SMIM22: variants seen among roughly 807,000 people sequenced by gnomAD.
SMIM22 encodes the protein cancer associated small integral membrane open reading frame 1.
A neutral mutation model predicts 8.4 loss-of-function variants in SMIM22; 16 were observed. The observed-to-expected ratio is 1.90, with a 90% CI of 1.29 to 2.89. The LOEUF is 2.89. Among genes scored for constraint, SMIM22 ranks in the 30% most tolerant of loss-of-function variants. The pLI, the probability that SMIM22 is intolerant of heterozygous loss-of-function variation, is 0.00. For synonymous variants in SMIM22, 67 were observed against 47.6 expected (o/e 1.41, Z -1.68); for missense variants, 159 against 107.5 (o/e 1.48, Z -2.12).
At chr16:4,790,670 C>T (rs1238986270), upstream of SMIM22, among the ~76,000 whole-genome samples, 3 of 152,092 alleles carry the variant, frequency 2.0e-5, no homozygotes, top group South Asian at 2.1e-4. Context: ...CACCTGTAGT[C>T]GCAGCTACTT....
chr16:4,795,924 C>G, intron 2 of SMIM22, 24 bp from the exon 3 acceptor site: 2 of 1,522,864 alleles, frequency 1.3e-6, no homozygotes, highest in Non-Finnish European at 8.8e-7. Flanking sequence ...TGGGGCCACA[C>G]CTGGACGCCT....
At chr16:4,794,871 T>C (rs2082607931), upstream of SMIM22, 1 of 152,082 alleles carries the variant, frequency 6.6e-6, no homozygotes, top group Admixed American at 6.5e-5. Flanking sequence ...ATATATTAAG[T>C]ATTATAAGTA....
chr16:4,796,326 GCGGGACTCGCCGCCCCACTCAGGTGGCCA>G lies in SMIM22; in HGVS notation c.*97_*125del. ...TCCAGTCCCCGTCTGGGTGGGTGAC[GCGGGACTCGCCGCCCCACTCAGGTGGCCA>G]CCTGGCCTCTCCAAGCCTTCAGTCA... On this transcript the variant is annotated 3_prime_UTR_variant, in exon 4 of 4. Transcript: ENST00000586005. 7.0e-7 allele frequency: 1 copy of G among 1,432,890 alleles called. No individual in the cohort carries two copies. Among genetic ancestry groups the G allele is most frequent in the South Asian group, 1.3e-5 (1 of 75,330 alleles). The allele number at this position is 1,432,890 out of a possible 1,614,324, so 88.8% of individuals were successfully genotyped here. A position where few individuals can be genotyped will look rare whatever the true frequency, so the allele number is the denominator to read the frequency against.
At chr16:4,791,887 A>G (rs1030085438), upstream of SMIM22, among the ~76,000 whole-genome samples, 1 of 151,768 alleles carries the variant, frequency 6.6e-6, no homozygotes, top group African/African-American at 2.4e-5. Context: ...GGGTTTCGCC[A>G]TGTTGGCCAG....
chr16:4,796,391 GC>G lies in SMIM22; in HGVS notation c.*162del. ...CCAAGCCTTCAGTCAGCACGACTGT[GC>G]CAGGTCATCCTCAGTCACCTAGCTG... On this transcript the variant is annotated 3_prime_UTR_variant, in exon 4 of 4. Transcript: ENST00000586005. The G allele has an allele frequency of 2.5e-6, 2 of 812,648 alleles. No homozygotes were observed. The highest frequency in any genetic ancestry group is 3.8e-6 in the Non-Finnish European group (2 of 525,580). 50.3% of individuals were successfully genotyped at this position (812,648 alleles called of 1,614,324 possible). A position where few individuals can be genotyped will look rare whatever the true frequency, so the allele number is the denominator to read the frequency against.
At chr16:4,789,611 C>A (rs2082519213) in intron 2 of SMIM22, among the ~76,000 whole-genome samples, 1 of 152,176 alleles carries the variant, frequency 6.6e-6, no homozygotes, top group Non-Finnish European at 1.5e-5. Flanking sequence ...CAGGCGTTAG[C>A]CCCTGCGCCC....
intron 2 of SMIM22, among the ~76,000 whole-genome samples, chr16:4,789,297 A>G (rs2082510934): frequency 6.6e-6 from 1 of 150,536 alleles, no homozygotes; most frequent in African/African-American, 2.4e-5. Context: ...GTGAGCCACC[A>G]TGCCTGGCCT....
At chr16:4,790,364 G>A (rs2082533304) in intron 2 of SMIM22, among the ~76,000 whole-genome samples, 1 of 152,222 alleles carries the variant, frequency 6.6e-6, no homozygotes, top group African/African-American at 2.4e-5. Context: ...ATTCACAGAA[G>A]AAAGGTGGCC....
chr16:4,795,646 G>A, intron 1 of SMIM22, 69 bp from the exon 2 acceptor site: 2 of 1,485,014 alleles, frequency 1.3e-6, no homozygotes, highest in Non-Finnish European at 1.8e-6. Context: ...TGGGCTGTGG[G>A]AAGCCTGGAT....
upstream of SMIM22, among the ~76,000 whole-genome samples, chr16:4,794,329 G>C (rs1433380551): frequency 2.0e-5 from 3 of 151,774 alleles, no homozygotes; most frequent in Non-Finnish European, 2.9e-5. Flanking sequence ...GGATGGTCTT[G>C]ATCTCCTGAC....
At chr16:4,791,924 T>C (rs1378947182), upstream of SMIM22, among the ~76,000 whole-genome samples, 1 of 152,150 alleles carries the variant, frequency 6.6e-6, no homozygotes, top group Non-Finnish European at 1.5e-5. Flanking sequence ...TAACCTCAGG[T>C]GATCTGCCCA....
At position 4,796,253 on chromosome 16, in the gene SMIM22, G is replaced by A; in HGVS notation, c.*22G>A. On this transcript the variant is annotated 3_prime_UTR_variant, in exon 4 of 4. Coordinates refer to ENST00000586005, the MANE Select transcript of SMIM22 (RefSeq NM_001253794.2). Reference sequence around the variant, plus strand: ...CTGACCCTGTGTCTCCTGCCCGGTGGCAGTAACAAAGCCTTCTGTCTGCCC... The same window carrying A: ...CTGACCCTGTGTCTCCTGCCCGGTGACAGTAACAAAGCCTTCTGTCTGCCC... 6.5e-7 allele frequency: 1 copy of A among 1,535,252 alleles called. No individual in the cohort carries two copies. The highest frequency in any genetic ancestry group is 8.7e-7 in the Non-Finnish European group (1 of 1,146,556).
upstream of SMIM22, among the ~76,000 whole-genome samples, chr16:4,794,271 C>T (rs920575808): frequency 7.2e-5 from 11 of 151,792 alleles, no homozygotes; most frequent in African/African-American, 2.7e-4. Flanking sequence ...CCATGGCCGG[C>T]TAATTTTTTG....
chr16:4,789,649 C>G (rs149654059), intron 2 of SMIM22, among the ~76,000 whole-genome samples: 3,101 of 152,094 alleles, frequency 0.02, 94 homozygotes, highest in African/African-American at 0.063. Context: ...TTTTGAGACA[C>G]GGTCTCACTA....
At chr16:4,789,051 C>T (rs930371824) in intron 2 of SMIM22, among the ~76,000 whole-genome samples, 13 of 152,216 alleles carry the variant, frequency 8.5e-5, no homozygotes, top group African/African-American at 3.1e-4. Flanking sequence ...GACAGCCTCG[C>T]TCTGTTGCCC....
At chr16:4,791,551 C>T (rs1201320559), upstream of SMIM22, among the ~76,000 whole-genome samples, 1 of 152,174 alleles carries the variant, frequency 6.6e-6, no homozygotes, top group Non-Finnish European at 1.5e-5. Flanking sequence ...GAACGTTACT[C>T]AAGCTCACAC....
chr16:4,795,965 C>G lies in SMIM22; in HGVS notation c.142C>G (p.Leu48Val), dbSNP rs1349972023. ...LTFMGTVLLL[L>V]LLVVAHCCCC... is the part of the protein sequence containing the mutation. ...GTCCCCAGGCACCGTGCTGCTCCTG[C>G]TGCTGCTGGTCGTCGCCCACTGCTG... Residue 48 changes from leucine to valine, a missense_variant, in exon 3 of 4, where the codon CTG becomes GTG. By Grantham distance (32) the Leu-to-Val change is conservative. Coordinates refer to ENST00000586005, the MANE Select transcript of SMIM22 (RefSeq NM_001253794.2). The G allele has an allele frequency of 1.3e-6, 2 of 1,506,810 alleles. No individual in the cohort carries two copies. The highest frequency in any genetic ancestry group is 2.8e-5 in the African/African-American group (2 of 72,370). The allele number at this position is 1,506,810 out of a possible 1,614,324, so 93.3% of individuals were successfully genotyped here.
chr16:4,794,735 T>A (rs1430379599), upstream of SMIM22, among the ~76,000 whole-genome samples: 1 of 152,184 alleles, frequency 6.6e-6, no homozygotes, highest in African/African-American at 2.4e-5. Flanking sequence ...TTTGTATTTT[T>A]AGTAGAGGTG....
chr16:4,788,715 T>A (rs1035804061), intron 1 of SMIM22: 1 of 152,238 alleles, frequency 6.6e-6, no homozygotes, highest in Non-Finnish European at 1.5e-5. Context: ...ACTCTGCACA[T>A]GGCATCGTTC....
Sources: allele counts gnomAD v4.1 joint callset (sites outside exome capture counted in the v4.1 genomes callset), GRCh38; gene constraint gnomAD v4.1.1; transcripts MANE v1.5; gene names NCBI Gene and HGNC (gene_info 2026-07-23, HGNC 2026-07-21).